The following MCPH1 variants were observed in gnomAD, a reference collection of about 807,000 sequenced individuals.
The protein encoded by MCPH1 is microcephalin.
Under a neutral mutation model 84.5 loss-of-function variants are expected in MCPH1, and 104 were observed. The observed-to-expected ratio is 1.23, with a 90% CI of 1.05 to 1.45. MCPH1 has a LOEUF of 1.45. Ranked by LOEUF, MCPH1 falls within the 40% of genes most tolerant of loss-of-function variation. The pLI is 0.00. For missense variants in MCPH1, 1,498 were observed against 1,005.7 expected (o/e 1.49, Z -6.62); for synonymous variants, 514 against 366.8 (o/e 1.40, Z -4.58).
intron 5 of MCPH1, among the ~76,000 whole-genome samples, chr8:6,438,331 T>C (rs1464860871): frequency 1.3e-5 from 2 of 152,230 alleles, no homozygotes; most frequent in East Asian, 3.9e-4. Flanking sequence ...GGCTTAAGAG[T>C]CCCAAAGGAG....
intron 12 of MCPH1, among the ~76,000 whole-genome samples, chr8:6,575,674 C>T (rs571932840): frequency 1.3e-5 from 2 of 152,244 alleles, no homozygotes; most frequent in African/African-American, 4.8e-5. Flanking sequence ...GGAAGTAGGG[C>T]CATTGCAGTT....
intron 12 of MCPH1, among the ~76,000 whole-genome samples, chr8:6,531,009 A>G (rs1819404076): frequency 6.6e-6 from 1 of 152,132 alleles, no homozygotes; most frequent in South Asian, 2.1e-4. Flanking sequence ...CTTTTTTTAA[A>G]AGTATTCCTT....
chr8:6,564,196 T>A (rs1825940343), intron 12 of MCPH1, among the ~76,000 whole-genome samples: 1 of 152,114 alleles, frequency 6.6e-6, no homozygotes, highest in South Asian at 2.1e-4. Context: ...TAGGCTGGTC[T>A]CAAACTCATG....
intron 11 of MCPH1, among the ~76,000 whole-genome samples, chr8:6,498,945 A>T (rs1469233211): frequency 6.6e-6 from 1 of 152,036 alleles, no homozygotes; most frequent in Non-Finnish European, 1.5e-5. Flanking sequence ...CCAGCTACTC[A>T]AGAGGCTGAG....
At position 6,505,533 on chromosome 8, in the gene MCPH1, GTATATATAGAATA is replaced by G. The variant is rs1330236961; in HGVS notation, c.2214+5611_2214+5623del. On this transcript the variant is annotated intron_variant, in intron 12 of 13. Coordinates refer to ENST00000344683, the MANE Select transcript of MCPH1 (RefSeq NM_024596.5). ...TATAGAATATATATTCTTTATATAT[GTATATATAGAATA>G]TATATACTTTATATATGTATATATA... Among the ~76,000 whole-genome samples, 60 of 61,244 alleles carry G rather than the reference GTATATATAGAATA, an allele frequency of 9.8e-4. 1 individual carries two copies. The highest frequency in any genetic ancestry group is 2.5e-3 in the African/African-American group (59 of 23,632). 40.2% of individuals were successfully genotyped at this position (61,244 alleles called of 152,430 possible).
chr8:6,588,168 C>A (rs1828145743), intron 12 of MCPH1, among the ~76,000 whole-genome samples: 1 of 152,056 alleles, frequency 6.6e-6, no homozygotes, highest in Non-Finnish European at 1.5e-5. Flanking sequence ...ACACTGGGGC[C>A]AGATGGGACC....
At chr8:6,533,790 G>T (rs565979943) in intron 12 of MCPH1, among the ~76,000 whole-genome samples, 1 of 151,984 alleles carries the variant, frequency 6.6e-6, no homozygotes, top group African/African-American at 2.4e-5. Flanking sequence ...GAAACCATTC[G>T]TGGAGTCAGT....
intron 12 of MCPH1, chr8:6,502,893 T>A: frequency 1.8e-6 from 1 of 555,274 alleles, no homozygotes; most frequent in South Asian, 2.6e-5. Flanking sequence ...CAATTATGGA[T>A]GTTTAGGGTC....
At chr8:6,515,472 G>T (rs1184865673) in intron 12 of MCPH1, among the ~76,000 whole-genome samples, 1 of 152,192 alleles carries the variant, frequency 6.6e-6, no homozygotes, top group African/African-American at 2.4e-5. Flanking sequence ...ACTGCCCACA[G>T]TTTTTCTCTA....
chr8:6,598,196 C>T (rs776001976), intron 12 of MCPH1, among the ~76,000 whole-genome samples: 2 of 152,210 alleles, frequency 1.3e-5, no homozygotes, highest in Admixed American at 6.5e-5. Context: ...GCACCAGAGA[C>T]TCCGTGTACC....
Position 6,621,457 on chromosome 8 carries a change from T to A in MCPH1, c.2218T>A (p.Cys740Ser). 1 of 1,613,988 alleles carries A rather than the reference T, an allele frequency of 6.2e-7. No homozygotes were observed. Among genetic ancestry groups the A allele is most frequent in the Non-Finnish European group, 8.5e-7 (1 of 1,179,974 alleles). Reference protein sequence around the residue: ...LSHHFPAAPLCRSECHLSAGP... With the variant: ...LSHHFPAAPLSRSECHLSAGP... Reference sequence around the variant, plus strand: ...TCTATCTCTGTCTGCCCCACAGCTGTGCCGAAGCGAGTGCCACTTGTCTGC... The same window carrying A: ...TCTATCTCTGTCTGCCCCACAGCTGAGCCGAAGCGAGTGCCACTTGTCTGC... The change falls in exon 13 of 14, where the codon TGC becomes AGC. Residue 740 changes from cysteine to serine, a missense_variant. Cys to Ser is a moderately radical substitution (Grantham distance 112, BLOSUM62 -1). Coordinates refer to ENST00000344683, the MANE Select transcript of MCPH1 (RefSeq NM_024596.5).
chr8:6,558,100 C>T (rs1379360402), intron 12 of MCPH1, among the ~76,000 whole-genome samples: 1 of 152,144 alleles, frequency 6.6e-6, no homozygotes, highest in Admixed American at 6.5e-5. Flanking sequence ...GTCTTCCTTC[C>T]AACCTCTCGT....
rs1162527878 is a variant in MCPH1, at chr8:6,419,990, A to G, written c.233+5107A>G. Among the ~76,000 whole-genome samples, 5 of 151,142 alleles carry G rather than the reference A, an allele frequency of 3.3e-5. No homozygotes were observed. In the East Asian group the frequency reaches 5.8e-4, roughly 18 times the overall value. On this transcript the variant is annotated intron_variant, in intron 3 of 13. Transcript: ENST00000344683. ...TTGCATAGGCCAGGCTTGTGGCCAG[A>G]GCGTCCTCTTCTGTCAGTTCTGCTG...
chr8:6,498,517 C>G (rs1468241797), intron 11 of MCPH1, among the ~76,000 whole-genome samples: 3 of 152,066 alleles, frequency 2.0e-5, no homozygotes, highest in African/African-American at 7.2e-5. Context: ...GTTTTGTTTT[C>G]TTAACATTTA....
At chr8:6,417,671 C>A (rs1016046482) in intron 3 of MCPH1, among the ~76,000 whole-genome samples, 2 of 152,120 alleles carry the variant, frequency 1.3e-5, no homozygotes, top group African/African-American at 4.8e-5. Context: ...ATTTCGGTTT[C>A]ATGTGAGATT....
At chr8:6,475,131 T>C (rs1416134443) in intron 9 of MCPH1, among the ~76,000 whole-genome samples, 2 of 152,210 alleles carry the variant, frequency 1.3e-5, no homozygotes, top group East Asian at 1.9e-4. Flanking sequence ...CATTCTCACT[T>C]GGTAAGACCA....
At chr8:6,526,272 A>AAG (rs1357659895) in intron 12 of MCPH1, among the ~76,000 whole-genome samples, 1 of 150,250 alleles carries the variant, frequency 6.7e-6, no homozygotes, top group Non-Finnish European at 1.5e-5. Context: ...AAAAAAAAAA[A>AAG]AAAAAAAAAA....
chr8:6,629,901 G>T (rs1797027261), intron 13 of MCPH1, among the ~76,000 whole-genome samples: 1 of 152,150 alleles, frequency 6.6e-6, no homozygotes, highest in South Asian at 2.1e-4. Context: ...TCTTAGGCTG[G>T]GCCCAGCAAG....
intron 3 of MCPH1, among the ~76,000 whole-genome samples, chr8:6,418,725 G>A (rs917687530): frequency 6.6e-6 from 1 of 152,168 alleles, no homozygotes; most frequent in African/African-American, 2.4e-5. Context: ...GGGATCACAG[G>A]CACGTGCCAC....
Sources: allele counts gnomAD v4.1 joint callset (sites outside exome capture counted in the v4.1 genomes callset), GRCh38; gene constraint gnomAD v4.1.1; transcripts MANE v1.5; gene names NCBI Gene and HGNC (gene_info 2026-07-23, HGNC 2026-07-21).